NEGR1: variants seen among roughly 807,000 people sequenced by gnomAD.
NEGR1 encodes the protein neuronal growth regulator 1.
Under a neutral mutation model 40.9 loss-of-function variants are expected in NEGR1, and 10 were observed. The ratio of observed to expected loss-of-function variants is 0.24; its 90% CI spans 0.15 to 0.42. The LOEUF (loss-of-function observed/expected upper bound fraction) is 0.42, where lower values mean the gene tolerates loss of function less well. Among genes scored for constraint, NEGR1 ranks in the 10% least tolerant of loss-of-function variants. The pLI is 1.00. For missense variants in NEGR1, 352 were observed against 438.9 expected (o/e 0.80, Z 1.77); for synonymous variants, 185 against 166.8 (o/e 1.11, Z -0.84).
chr1:71,972,078 A>C (rs1646261061), intron 1 of NEGR1, among the ~76,000 whole-genome samples: 1 of 152,212 alleles, frequency 6.6e-6, no homozygotes, highest in Admixed American at 6.5e-5. Context: ...GCAGTGTAGT[A>C]ATCACTTGGA....
At chr1:71,515,691 A>G (rs1361666174) in intron 6 of NEGR1, among the ~76,000 whole-genome samples, 1 of 133,314 alleles carries the variant, frequency 7.5e-6, no homozygotes, top group Non-Finnish European at 1.6e-5. Flanking sequence ...ACCAGCTAAC[A>G]TCATAATGAC....
In NEGR1 at chr1:71,407,193, T is replaced by C. The variant is rs1379302482; in HGVS notation, c.*253A>G. 3.5e-6 allele frequency: 1 copy of C among 288,016 alleles called. No individual in the cohort carries two copies. Among genetic ancestry groups the C allele is most frequent in the Non-Finnish European group, 6.5e-6 (1 of 153,548 alleles). The allele number at this position is 288,016 out of a possible 1,614,324, so 17.8% of individuals were successfully genotyped here. A position where few individuals can be genotyped will look rare whatever the true frequency, so the allele number is the denominator to read the frequency against. On this transcript the variant is annotated 3_prime_UTR_variant, in exon 7 of 7. Transcript: ENST00000357731. ...TACAAACATGAAATCACAATTAATA[T>C]CCTCTAAAAGTAATTTCAGAGCTTT...
chr1:72,098,048 T>A lies in NEGR1; in HGVS notation c.177-162737A>T, dbSNP rs573437932. Among the ~76,000 whole-genome samples, 10 of 152,294 alleles carry A rather than the reference T, an allele frequency of 6.6e-5. No individual in the cohort carries two copies. The South Asian group carries it at 2.1e-3, about 32-fold the overall frequency. On this transcript the variant is annotated intron_variant, in intron 1 of 6. Transcript: ENST00000357731. Reference sequence around the variant, plus strand: ...TTCTTCTCTTAATATTTGTCTGTGTTGTAGGGTCAAGAGTGACCTCCAGAG... The same window carrying A: ...TTCTTCTCTTAATATTTGTCTGTGTAGTAGGGTCAAGAGTGACCTCCAGAG...
At chr1:71,437,138 A>G (rs1165500175) in intron 6 of NEGR1, among the ~76,000 whole-genome samples, 4 of 152,142 alleles carry the variant, frequency 2.6e-5, no homozygotes, top group Non-Finnish European at 5.9e-5. Context: ...AGTATGAATT[A>G]TATTTACTTG....
At chr1:71,548,324 C>T (rs185813598) in intron 6 of NEGR1, among the ~76,000 whole-genome samples, 232 of 151,780 alleles carry the variant, frequency 1.5e-3, no homozygotes, top group African/African-American at 5.4e-3. Context: ...ATTTCTGCTG[C>T]TTTGGGGACA....
intron 1 of NEGR1, among the ~76,000 whole-genome samples, chr1:72,094,476 G>T (rs1310861236): frequency 2.0e-5 from 3 of 152,142 alleles, no homozygotes; most frequent in African/African-American, 7.2e-5. Flanking sequence ...CCAAGTCCAA[G>T]AACAGTGCCT....
At chr1:71,418,155 C>G (rs759454942) in intron 6 of NEGR1, among the ~76,000 whole-genome samples, 1 of 147,324 alleles carries the variant, frequency 6.8e-6, no homozygotes, top group African/African-American at 2.5e-5. Flanking sequence ...ATAGACCTTT[C>G]TCCTAGCAAA....
intron 1 of NEGR1, among the ~76,000 whole-genome samples, chr1:72,000,408 A>G (rs935969662): frequency 6.6e-6 from 1 of 152,060 alleles, no homozygotes; most frequent in Non-Finnish European, 1.5e-5. Context: ...ATGAGGAAAT[A>G]GAGTTGAGGC....
chr1:71,730,382 T>C lies in NEGR1; in HGVS notation c.536-32243A>G, dbSNP rs898868878. ...GCAATTCATGCCAAAATGATAGCAA[T>C]GGTAACCATGACTTTCAAAAAATGA... On this transcript the variant is annotated intron_variant, in intron 3 of 6. Coordinates refer to ENST00000357731, the MANE Select transcript of NEGR1 (RefSeq NM_173808.3). Among the ~76,000 whole-genome samples the C allele has an allele frequency of 2.0e-5, 3 of 151,938 alleles. No homozygotes were observed. The East Asian group carries it at 5.8e-4, about 29-fold the overall frequency.
chr1:71,657,274 A>C (rs2901615), intron 4 of NEGR1, among the ~76,000 whole-genome samples: 72,371 of 151,608 alleles, frequency 0.48, 17,331 homozygotes, highest in Middle Eastern at 0.54. Context: ...TCGACCTTTA[A>C]AGAAAATGTA....
chr1:72,068,583 GATGGA>G (rs1285511714), intron 1 of NEGR1, among the ~76,000 whole-genome samples: 2 of 152,156 alleles, frequency 1.3e-5, no homozygotes, highest in African/African-American at 4.8e-5. Flanking sequence ...ATAGGAGAAT[GATGGA>G]ATGGATAATT....
chr1:71,655,353 T>C (rs1032032623), intron 4 of NEGR1, among the ~76,000 whole-genome samples: 1 of 152,174 alleles, frequency 6.6e-6, no homozygotes, highest in South Asian at 2.1e-4. Context: ...GGGATACCTA[T>C]GAAAATGACA....
intron 6 of NEGR1, among the ~76,000 whole-genome samples, chr1:71,548,243 A>G (rs1647965585): frequency 6.6e-6 from 1 of 151,726 alleles, no homozygotes; most frequent in African/African-American, 2.4e-5. Context: ...TAACTAATAC[A>G]GCTCCATCAC....
intron 1 of NEGR1, among the ~76,000 whole-genome samples, chr1:72,280,542 A>G (rs1335537684): frequency 6.6e-6 from 1 of 152,192 alleles, no homozygotes; most frequent in Non-Finnish European, 1.5e-5. Flanking sequence ...TACAGGCTTA[A>G]TTTATATCCT....
In NEGR1 at chr1:71,854,583, G is replaced by A. The variant is rs138922240; in HGVS notation, c.410-78286C>T. Among the ~76,000 whole-genome samples, 437 of 152,140 alleles carry A rather than the reference G, an allele frequency of 2.9e-3. 2 individuals carry two copies. The highest frequency in any genetic ancestry group is 1.0e-2 in the African/African-American group (414 of 41,522). On this transcript the variant is annotated intron_variant, in intron 2 of 6. Coordinates refer to ENST00000357731, the MANE Select transcript of NEGR1 (RefSeq NM_173808.3). ...GCTATGAAGAAATATTCGTGACTGG[G>A]TAAGTTATAAATAAAAGAGGTTGAA...
At chr1:72,215,449 T>G (rs1443448161) in intron 1 of NEGR1, among the ~76,000 whole-genome samples, 2 of 151,772 alleles carry the variant, frequency 1.3e-5, no homozygotes, top group East Asian at 3.9e-4. Flanking sequence ...TGGGAGAAAA[T>G]TTTTGCAATC....
In NEGR1 at chr1:72,076,709, C is replaced by T. The variant is rs112398871; in HGVS notation, c.177-141398G>A. On this transcript the variant is annotated intron_variant, in intron 1 of 6. Transcript: ENST00000357731. ...ATATGTGTGTACATACATATATACA[C>T]ACATGCGTGCACACGCGCACACACA... 7.0e-3 allele frequency among the ~76,000 whole-genome samples: 1,014 copies of T among 145,138 alleles called. 11 individuals are homozygous for T. The highest frequency in any genetic ancestry group is 0.027 in the African/African-American group (947 of 34,922).
intron 6 of NEGR1, among the ~76,000 whole-genome samples, chr1:71,413,858 A>G (rs761409154): frequency 1.3e-5 from 2 of 151,828 alleles, no homozygotes; most frequent in South Asian, 4.2e-4. Flanking sequence ...GCTGCATATT[A>G]TTTTCTGTTT....
chr1:71,828,443 C>T (rs955763219), intron 2 of NEGR1, among the ~76,000 whole-genome samples: 2 of 151,906 alleles, frequency 1.3e-5, no homozygotes, highest in Admixed American at 6.6e-5. Flanking sequence ...AAGTCAGAAA[C>T]ACACCCTGTT....
Sources: gnomAD v4.1 joint callset for allele counts (sites outside exome capture counted in the v4.1 genomes callset) on GRCh38, gnomAD v4.1.1 for gene constraint, MANE v1.5 for transcripts, NCBI Gene and HGNC (gene_info 2026-07-23, HGNC 2026-07-21) for gene names.